Variants in EXOC4 observed in about 807,000 individuals in gnomAD.
EXOC4 encodes SEC8-like 1.
A neutral mutation model predicts 107.2 loss-of-function variants in EXOC4; 71 were observed. The observed-to-expected ratio is 0.66, with a 90% CI of 0.55 to 0.81. The LOEUF (loss-of-function observed/expected upper bound fraction) is 0.81. EXOC4 is among the 30% of genes least tolerant of loss of function. The probability of loss-of-function intolerance (pLI) is 0.00; values close to 1 mark genes in which losing one functional copy is unlikely to be tolerated. For synonymous variants in EXOC4, 456 were observed against 441.2 expected (o/e 1.03, Z -0.42); for missense variants, 1,108 against 1,189.6 (o/e 0.93, Z 1.01).
chr7:133,395,222 C>T (rs1796944946), intron 7 of EXOC4, among the ~76,000 whole-genome samples: 1 of 151,306 alleles, frequency 6.6e-6, no homozygotes, highest in Non-Finnish European at 1.5e-5. Flanking sequence ...AAAGCACTCA[C>T]ATTAAGGAAA....
chr7:133,750,206 C>T (rs1341707399), intron 10 of EXOC4, among the ~76,000 whole-genome samples: 1 of 151,888 alleles, frequency 6.6e-6, no homozygotes. Flanking sequence ...GTCTCCTTTC[C>T]CTGAAGACTC....
In EXOC4 at chr7:133,818,166, T is replaced by G. The variant is rs1346054924; in HGVS notation, c.1734+622T>G. 2.0e-5 allele frequency among the ~76,000 whole-genome samples: 3 copies of G among 152,228 alleles called. No homozygotes were observed. The East Asian group carries it at 5.8e-4, about 29-fold the overall frequency. On this transcript the variant is annotated intron_variant, in intron 11 of 17. Coordinates refer to ENST00000253861, the MANE Select transcript of EXOC4 (RefSeq NM_021807.4). The stretch of plus-strand genomic sequence containing the variant: ...CTTGAGGCATATATTTTATATACAT[T>G]TTAGCTGGTGACTTGGAGGTATATA...
intron 6 of EXOC4, among the ~76,000 whole-genome samples, chr7:133,366,688 C>G (rs1356858902): frequency 6.6e-6 from 1 of 152,188 alleles, no homozygotes; most frequent in African/African-American, 2.4e-5. Context: ...TCAGGCCTCT[C>G]TCCCATTTTG....
intron 9 of EXOC4, among the ~76,000 whole-genome samples, chr7:133,608,799 G>A (rs1169476827): frequency 6.6e-6 from 1 of 151,698 alleles, no homozygotes; most frequent in African/African-American, 2.4e-5. Flanking sequence ...TGCCTGCCTC[G>A]GCCTCTCAAA....
chr7:133,424,459 C>T (rs376242689), intron 7 of EXOC4, among the ~76,000 whole-genome samples: 1 of 151,980 alleles, frequency 6.6e-6, no homozygotes, highest in Non-Finnish European at 1.5e-5. Context: ...CACATCTGAA[C>T]ATCTGAAGCA....
intron 10 of EXOC4, among the ~76,000 whole-genome samples, chr7:133,704,332 C>T (rs1236713980): frequency 1.3e-5 from 2 of 152,128 alleles, no homozygotes; most frequent in African/African-American, 2.4e-5. Context: ...GGAACTTCAA[C>T]AGTTTATCCT....
chr7:133,476,034 C>G (rs1183376890), intron 8 of EXOC4, among the ~76,000 whole-genome samples: 1 of 152,040 alleles, frequency 6.6e-6, no homozygotes, highest in Non-Finnish European at 1.5e-5. Context: ...ATAGTAACAA[C>G]AGGTACCACT....
At chr7:133,913,704 G>A (rs1441604888) in intron 12 of EXOC4, among the ~76,000 whole-genome samples, 1 of 152,144 alleles carries the variant, frequency 6.6e-6, no homozygotes, top group African/African-American at 2.4e-5. Context: ...AAATGCAGAT[G>A]GAACTTTCAA....
At chr7:134,077,534 T>C in the EXOC4 span, among the ~76,000 whole-genome samples, 2 of 152,152 alleles carry the variant, frequency 1.3e-5, no homozygotes, top group South Asian at 2.1e-4. Context: ...AGACCTCAGG[T>C]TGAAACAGGA....
At chr7:133,848,022 G>A (rs573584234) in intron 11 of EXOC4, among the ~76,000 whole-genome samples, 17 of 151,568 alleles carry the variant, frequency 1.1e-4, no homozygotes, top group African/African-American at 1.9e-4. Context: ...GAGCCACCGC[G>A]CCTGGCCCAG....
intron 9 of EXOC4, among the ~76,000 whole-genome samples, chr7:133,595,767 G>T (rs563367068): frequency 2.6e-5 from 4 of 152,084 alleles, no homozygotes; most frequent in Non-Finnish European, 5.9e-5. Context: ...TTCACTCCTA[G>T]CAACAAGAAG....
intron 9 of EXOC4, among the ~76,000 whole-genome samples, chr7:133,569,045 A>T (rs1307223812): frequency 6.6e-6 from 1 of 152,166 alleles, no homozygotes; most frequent in Non-Finnish European, 1.5e-5. Flanking sequence ...CTAATTTGAG[A>T]GAGTCAGTTT....
chr7:133,271,614 T>G (rs896214343), intron 1 of EXOC4, among the ~76,000 whole-genome samples: 1 of 152,242 alleles, frequency 6.6e-6, no homozygotes, highest in East Asian at 1.9e-4. Context: ...TTAGATTCGG[T>G]TTTCGGAGCT....
At chr7:134,037,510 C>T (rs747199971) in intron 17 of EXOC4, among the ~76,000 whole-genome samples, 2 of 152,154 alleles carry the variant, frequency 1.3e-5, no homozygotes, top group Non-Finnish European at 2.9e-5. Context: ...GAATTCGTTT[C>T]GGCATACATT....
At chr7:133,310,485 T>C (rs570316656) in intron 4 of EXOC4, among the ~76,000 whole-genome samples, 1 of 152,336 alleles carries the variant, frequency 6.6e-6, no homozygotes, top group Non-Finnish European at 1.5e-5. Flanking sequence ...AGATTCTTGA[T>C]TGCAAATAGA....
intron 14 of EXOC4, among the ~76,000 whole-genome samples, chr7:133,948,591 T>C: frequency 6.6e-6 from 1 of 152,184 alleles, no homozygotes; most frequent in African/African-American, 2.4e-5. Context: ...GATGTGCGAA[T>C]TGTATGTGTG....
chr7:133,264,601 G>A (rs1235407410), intron 1 of EXOC4, among the ~76,000 whole-genome samples: 1 of 152,122 alleles, frequency 6.6e-6, no homozygotes, highest in South Asian at 2.1e-4. Flanking sequence ...GAGGGAAGCC[G>A]TATCTTATGT....
At chr7:133,752,363 G>A (rs575040007) in intron 10 of EXOC4, among the ~76,000 whole-genome samples, 11 of 152,170 alleles carry the variant, frequency 7.2e-5, no homozygotes, top group African/African-American at 2.7e-4. Flanking sequence ...TGCCTTTGCT[G>A]CTTTCTGTCT....
chr7:134,000,911 A>T (rs1296203891), intron 15 of EXOC4, among the ~76,000 whole-genome samples: 4 of 152,186 alleles, frequency 2.6e-5, no homozygotes, highest in Non-Finnish European at 4.4e-5. Flanking sequence ...TTGTTCCCCC[A>T]AATATCTTTA....
Sources: allele counts gnomAD v4.1 joint callset (sites outside exome capture counted in the v4.1 genomes callset), GRCh38; gene constraint gnomAD v4.1.1; transcripts MANE v1.5; gene names NCBI Gene and HGNC (gene_info 2026-07-23, HGNC 2026-07-21).